Variants in PHF14 observed in about 807,000 individuals in gnomAD.
PHF14 encodes the protein PHD finger protein 14.
In PHF14, 55 loss-of-function variants were observed where a neutral mutation model predicts 117.9. The ratio of observed to expected loss-of-function variants is 0.47; its 90% CI spans 0.38 to 0.58. PHF14 has a LOEUF of 0.58. PHF14 is among the 20% of genes least tolerant of loss of function. The pLI is 0.00. For synonymous variants in PHF14, 409 were observed against 368.6 expected (o/e 1.11, Z -1.26); for missense variants, 978 against 1,122.2 (o/e 0.87, Z 1.84).
chr7:11,125,195 A>T (rs1391470123), intron 17 of PHF14, among the ~76,000 whole-genome samples: 1 of 152,118 alleles, frequency 6.6e-6, no homozygotes, highest in African/African-American at 2.4e-5. Flanking sequence ...TTAGACACTA[A>T]GCACTGTATT....
At position 11,047,489 on chromosome 7, in the gene PHF14, T is replaced by C. The variant is rs574549107; in HGVS notation, c.2313-4123T>C. Among the ~76,000 whole-genome samples the C allele has an allele frequency of 9.9e-5, 15 of 151,830 alleles. 1 individual carries two copies. In the South Asian group the frequency reaches 2.7e-3, roughly 27 times the overall value. On this transcript the variant is annotated intron_variant, in intron 13 of 17. Transcript: ENST00000634607. ...GTAGTTGTATGGTGCTAGAAACATA[T>C]AGAAGGTATAGAAAATTGAGAAAAG... is the stretch of plus-strand genomic sequence containing the variant.
chr7:11,012,169 A>G (rs926002247), intron 4 of PHF14, among the ~76,000 whole-genome samples: 11 of 152,330 alleles, frequency 7.2e-5, no homozygotes, highest in African/African-American at 2.2e-4. Flanking sequence ...GATATTGTCA[A>G]TGAAGTCCTG....
chr7:11,072,992 C>CA (rs1471632528), intron 16 of PHF14, among the ~76,000 whole-genome samples: 2 of 152,186 alleles, frequency 1.3e-5, no homozygotes, highest in Non-Finnish European at 2.9e-5. Context: ...CCCTGTGGTC[C>CA]AAACACCTCC....
chr7:11,063,215 ATTT>A (rs576291604), intron 16 of PHF14: 1 of 983,896 alleles, frequency 1.0e-6, no homozygotes, highest in Admixed American at 6.2e-5. Flanking sequence ...TAATTGGCTA[ATTT>A]TTTTGAGGTA....
intron 17 of PHF14, among the ~76,000 whole-genome samples, chr7:11,123,350 T>A (rs1787828373): frequency 6.6e-6 from 1 of 152,326 alleles, no homozygotes; most frequent in Non-Finnish European, 1.5e-5. Flanking sequence ...TATAGTCTCC[T>A]TTTACTAAGT....
chr7:11,066,594 G>A (rs1172883513), intron 16 of PHF14, among the ~76,000 whole-genome samples: 1 of 152,088 alleles, frequency 6.6e-6, no homozygotes, highest in Non-Finnish European at 1.5e-5. Context: ...ATTAATTTTT[G>A]TATATGGTTT....
intron 7 of PHF14, among the ~76,000 whole-genome samples, chr7:11,033,100 C>T (rs1784177620): frequency 6.6e-6 from 1 of 152,174 alleles, no homozygotes. Flanking sequence ...ACATGTTTTT[C>T]CCTTTCTGTC....
At chr7:11,067,840 G>T (rs1170942948) in intron 16 of PHF14, among the ~76,000 whole-genome samples, 1 of 152,022 alleles carries the variant, frequency 6.6e-6, no homozygotes, top group East Asian at 1.9e-4. Flanking sequence ...GAGATGCCAG[G>T]CTCTTTTTAC....
chr7:11,041,713 T>C (rs1430825835), intron 12 of PHF14, among the ~76,000 whole-genome samples: 1 of 152,024 alleles, frequency 6.6e-6, no homozygotes, highest in African/African-American at 2.4e-5. Context: ...CAAACACGGT[T>C]GGTTCATTTG....
chr7:11,167,471 C>T (rs559491829), intron 17 of PHF14, among the ~76,000 whole-genome samples: 10 of 152,128 alleles, frequency 6.6e-5, no homozygotes, highest in Non-Finnish European at 1.3e-4. Context: ...TTTATTCGTT[C>T]ATTATTCCAC....
At chr7:11,015,760 T>A (rs1363387561) in intron 5 of PHF14, among the ~76,000 whole-genome samples, 1 of 152,128 alleles carries the variant, frequency 6.6e-6, no homozygotes, top group Non-Finnish European at 1.5e-5. Context: ...ACTAGTGCTT[T>A]CTTATTACCA....
intron 16 of PHF14, among the ~76,000 whole-genome samples, chr7:11,095,106 T>A (rs1241909528): frequency 6.6e-6 from 1 of 152,138 alleles, no homozygotes; most frequent in African/African-American, 2.4e-5. Flanking sequence ...AGTAATAAAC[T>A]AGAACAAATT....
At chr7:11,014,387 G>T (rs1431062909) in intron 5 of PHF14, among the ~76,000 whole-genome samples, 1 of 152,178 alleles carries the variant, frequency 6.6e-6, no homozygotes, top group East Asian at 1.9e-4. Flanking sequence ...TCTAAAGGAT[G>T]CTCTGGGCCT....
At chr7:11,035,278 T>C (rs139903057) in intron 7 of PHF14, among the ~76,000 whole-genome samples, 112 of 152,276 alleles carry the variant, frequency 7.4e-4, no homozygotes, top group African/African-American at 2.5e-3. Context: ...CCATTTAACA[T>C]AAGACGCTTG....
At chr7:11,107,673 G>A in intron 16 of PHF14, 4 of 651,978 alleles carry the variant, frequency 6.1e-6, no homozygotes, top group Non-Finnish European at 7.6e-6. Context: ...TTAATAATGT[G>A]CTATTCGTAT....
At chr7:10,986,597 G>C (rs1265497116) in intron 3 of PHF14, among the ~76,000 whole-genome samples, 1 of 152,206 alleles carries the variant, frequency 6.6e-6, no homozygotes, top group African/African-American at 2.4e-5. Flanking sequence ...ACGGACACCT[G>C]TTTTTGTCAA....
chr7:11,068,749 A>C (rs1785508837), intron 16 of PHF14, among the ~76,000 whole-genome samples: 1 of 152,218 alleles, frequency 6.6e-6, no homozygotes, highest in Admixed American at 6.5e-5. Context: ...CAGGGATTAT[A>C]ATAGGCTTTG....
intron 16 of PHF14, among the ~76,000 whole-genome samples, chr7:11,082,869 C>A (rs1786204484): frequency 6.6e-6 from 1 of 152,116 alleles, no homozygotes; most frequent in Non-Finnish European, 1.5e-5. Flanking sequence ...ATTCTTTAAT[C>A]CACAGTACCC....
chr7:10,991,649 A>G (rs565018295), intron 4 of PHF14, among the ~76,000 whole-genome samples: 1 of 152,160 alleles, frequency 6.6e-6, no homozygotes, highest in South Asian at 2.1e-4. Flanking sequence ...TTAAATAATG[A>G]AAATAGAAAT....
Sources: gnomAD v4.1 joint callset for allele counts (sites outside exome capture counted in the v4.1 genomes callset) on GRCh38, gnomAD v4.1.1 for gene constraint, MANE v1.5 for transcripts, NCBI Gene and HGNC (gene_info 2026-07-23, HGNC 2026-07-21) for gene names.